Variants in LINGO2 observed in about 807,000 individuals in gnomAD.
LINGO2 encodes leucine-rich repeat and immunoglobulin-like domain-containing nogo receptor-interacting protein 2.
In LINGO2, 14 loss-of-function variants were observed where a neutral mutation model predicts 30.6. The observed-to-expected ratio is 0.46, with a 90% CI of 0.30 to 0.72. The LOEUF (loss-of-function observed/expected upper bound fraction) is 0.72, where lower values mean the gene tolerates loss of function less well. LINGO2 is among the 30% of genes least tolerant of loss of function. The probability of loss-of-function intolerance (pLI) is 0.07; values close to 1 mark genes in which losing one functional copy is unlikely to be tolerated. For missense variants in LINGO2, 729 were observed against 751.7 expected, an observed-to-expected ratio of 0.97 and a Z score of 0.35; for synonymous variants, 317 against 288.5, an observed-to-expected ratio of 1.10 and a Z score of -1.00.
At chr9:29,006,731 T>C in the LINGO2 span, among the ~76,000 whole-genome samples, 38 of 152,136 alleles carry the variant, frequency 2.5e-4, no homozygotes, top group African/African-American at 8.7e-4. Flanking sequence ...TATTCAACAT[T>C]AAGCATAGTA....
At chr9:28,915,923 T>A in the LINGO2 span, among the ~76,000 whole-genome samples, 4 of 152,176 alleles carry the variant, frequency 2.6e-5, no homozygotes, top group Non-Finnish European at 4.4e-5. Flanking sequence ...AAATCTCTGA[T>A]AAACGGTCGC....
chr9:28,820,835 C>T, the LINGO2 span, among the ~76,000 whole-genome samples: 1 of 152,106 alleles, frequency 6.6e-6, no homozygotes, highest in African/African-American at 2.4e-5. Context: ...CAATTTGCTT[C>T]GAAAATAGCA....
chr9:28,864,382 T>A, the LINGO2 span, among the ~76,000 whole-genome samples: 2 of 152,058 alleles, frequency 1.3e-5, no homozygotes, highest in Non-Finnish European at 2.9e-5. Context: ...TAGGTTCAAC[T>A]CTGAAAGAAA....
At chr9:28,159,052 T>C (rs548263595) in intron 4 of LINGO2, among the ~76,000 whole-genome samples, 2 of 152,322 alleles carry the variant, frequency 1.3e-5, no homozygotes, top group African/African-American at 4.8e-5. Flanking sequence ...TATGAATGAC[T>C]GCTAGATTCT....
chr9:28,639,896 A>G (rs1415063291), intron 1 of LINGO2, among the ~76,000 whole-genome samples: 1 of 152,086 alleles, frequency 6.6e-6, no homozygotes, highest in Non-Finnish European at 1.5e-5. Context: ...TCGTTAGTTG[A>G]TGCAGTTTCT....
the LINGO2 span, among the ~76,000 whole-genome samples, chr9:28,962,219 T>C: frequency 6.6e-6 from 1 of 152,094 alleles, no homozygotes. Context: ...TCTGTGTACT[T>C]TACCTGTATT....
chr9:27,983,849 T>G (rs10812714), intron 5 of LINGO2, among the ~76,000 whole-genome samples: 56,340 of 151,684 alleles, frequency 0.37, 10,436 homozygotes, highest in African/African-American at 0.39. Context: ...ATTTTTGAGT[T>G]ATCCCAGAGT....
At chr9:28,523,457 C>A (rs1423991092) in intron 1 of LINGO2, among the ~76,000 whole-genome samples, 1 of 151,948 alleles carries the variant, frequency 6.6e-6, no homozygotes, top group African/African-American at 2.4e-5. Context: ...ATAAACAGGA[C>A]AATTAGGCAA....
At chr9:28,870,622 G>A in the LINGO2 span, among the ~76,000 whole-genome samples, 5 of 151,906 alleles carry the variant, frequency 3.3e-5, no homozygotes, top group African/African-American at 1.2e-4. Flanking sequence ...TAGTCATCTG[G>A]AACAGAAAAA....
intron 1 of LINGO2, among the ~76,000 whole-genome samples, chr9:28,610,466 G>T (rs1180888835): frequency 6.6e-6 from 1 of 152,154 alleles, no homozygotes; most frequent in Non-Finnish European, 1.5e-5. Context: ...GGCAGTGTTT[G>T]GGAGGTGATG....
chr9:28,830,085 T>A, the LINGO2 span, among the ~76,000 whole-genome samples: 4 of 152,120 alleles, frequency 2.6e-5, no homozygotes, highest in African/African-American at 4.8e-5. Flanking sequence ...ATTGCTATAA[T>A]AACGATAAAA....
the LINGO2 span, among the ~76,000 whole-genome samples, chr9:28,913,181 T>C: frequency 3.3e-5 from 5 of 152,254 alleles, no homozygotes; most frequent in East Asian, 9.6e-4. Flanking sequence ...CTCAAACATA[T>C]GTTCCTAACA....
intron 2 of LINGO2, among the ~76,000 whole-genome samples, chr9:28,403,235 T>G (rs1165555259): frequency 1.3e-5 from 2 of 152,166 alleles, no homozygotes; most frequent in African/African-American, 2.4e-5. Flanking sequence ...TGGGCTCCTT[T>G]CTCTTTGGTG....
chr9:28,085,201 T>C (rs1163717243), intron 4 of LINGO2, among the ~76,000 whole-genome samples: 3 of 152,100 alleles, frequency 2.0e-5, no homozygotes, highest in Non-Finnish European at 2.9e-5. Context: ...TATTCTACAA[T>C]GTAAAATGCT....
chr9:28,184,726 C>G (rs995426283), intron 4 of LINGO2, among the ~76,000 whole-genome samples: 8 of 151,984 alleles, frequency 5.3e-5, no homozygotes, highest in African/African-American at 1.9e-4. Flanking sequence ...GACATTTATT[C>G]TAAAAGGAGA....
intron 2 of LINGO2, among the ~76,000 whole-genome samples, chr9:28,464,915 G>C (rs965399122): frequency 7.9e-5 from 12 of 152,280 alleles, no homozygotes; most frequent in African/African-American, 2.9e-4. Flanking sequence ...CTCATGAAGG[G>C]GTGGCTTGCT....
the LINGO2 span, among the ~76,000 whole-genome samples, chr9:29,171,758 C>G: frequency 6.6e-6 from 1 of 151,552 alleles, no homozygotes; most frequent in Admixed American, 6.6e-5. Context: ...CAACATCTAC[C>G]ATATTTTTTA....
At chr9:28,000,683 C>T (rs1042972717) in intron 5 of LINGO2, among the ~76,000 whole-genome samples, 4 of 152,122 alleles carry the variant, frequency 2.6e-5, no homozygotes, top group Non-Finnish European at 5.9e-5. Flanking sequence ...ATAGTTCTGA[C>T]GTTTTTGGAT....
chr9:28,013,955 C>G lies in LINGO2; in HGVS notation c.-86-1550G>C, dbSNP rs534692822. 7.2e-5 allele frequency among the ~76,000 whole-genome samples: 11 copies of G among 152,266 alleles called. No homozygotes were observed. In the South Asian group the frequency reaches 1.5e-3, roughly 20 times the overall value. ...CTTTCTGCAGTTCCTAGAAAGAAAT[C>G]AAACTAGTTACATTGCTAAGGTGAA... On this transcript the variant is annotated intron_variant, in intron 4 of 5. Transcript: ENST00000379992.
Sources: gnomAD v4.1 joint callset for allele counts (sites outside exome capture counted in the v4.1 genomes callset) on GRCh38, gnomAD v4.1.1 for gene constraint, MANE v1.5 for transcripts, NCBI Gene and HGNC (gene_info 2026-07-23, HGNC 2026-07-21) for gene names.